Variants in ZCCHC8 observed in about 807,000 individuals in gnomAD.
ZCCHC8 encodes the protein zinc finger CCHC-type containing 8.
Under a neutral mutation model 70.6 loss-of-function variants are expected in ZCCHC8, and 27 were observed. That is an observed-to-expected ratio of 0.38 (90% CI 0.28 to 0.53). The LOEUF is 0.53. Ranked by LOEUF, ZCCHC8 falls within the 20% of genes least tolerant of loss-of-function variation. The probability of loss-of-function intolerance (pLI) is 0.81; values close to 1 mark genes in which losing one functional copy is unlikely to be tolerated. For synonymous variants in ZCCHC8, 293 were observed against 317.4 expected (o/e 0.92, Z 0.82); for missense variants, 737 against 876.9 (o/e 0.84, Z 2.01).
At position 122,482,705 on chromosome 12, in the gene ZCCHC8, C is replaced by A; in HGVS notation, c.672-10G>T. ...ACAGTGAGGCTTTGGCCTATTTGGT[C>A]AAAAGACAAAGATTTTTATAATGTC... On this transcript the variant is annotated splice_polypyrimidine_tract_variant and intron_variant, in intron 7 of 13. Transcript: ENST00000633063. 6.3e-7 allele frequency: 1 copy of A among 1,595,728 alleles called. No individual in the cohort carries two copies. Among genetic ancestry groups the A allele is most frequent in the South Asian group, 1.1e-5 (1 of 87,180 alleles).
At chr12:122,484,491 T>A (rs1250153693) in intron 5 of ZCCHC8, among the ~76,000 whole-genome samples, 1 of 151,532 alleles carries the variant, frequency 6.6e-6, no homozygotes, top group Non-Finnish European at 1.5e-5. Flanking sequence ...TGGCTCACTG[T>A]AACTTCAAAG....
At chr12:122,495,077 G>A (rs1957806097) in intron 2 of ZCCHC8, among the ~76,000 whole-genome samples, 1 of 152,198 alleles carries the variant, frequency 6.6e-6, no homozygotes, top group South Asian at 2.1e-4. Flanking sequence ...TACTTGGGCT[G>A]AAATGTGCAT....
intron 4 of ZCCHC8, among the ~76,000 whole-genome samples, chr12:122,490,073 T>C (rs1182415893): frequency 2.6e-5 from 4 of 152,086 alleles, no homozygotes; most frequent in African/African-American, 7.2e-5. Flanking sequence ...AATATTCACA[T>C]AGTAAAACTT....
intron 1 of ZCCHC8, chr12:122,499,398 A>C (rs1331727684): frequency 6.5e-6 from 1 of 154,648 alleles, no homozygotes; most frequent in Non-Finnish European, 1.4e-5. Context: ...CCTCCTGAGT[A>C]GCTGGGATTA....
rs1183157555 is a variant in ZCCHC8 at position 122,473,608 on chromosome 12, C to T, written c.2013G>A (p.Thr671=). 2.5e-6 allele frequency: 4 copies of T among 1,613,744 alleles called. No homozygotes were observed. The highest frequency in any genetic ancestry group is 1.3e-5 in the African/African-American group (1 of 74,866). ...PDMSKFATGI[T]PFEFENMAES... ...CTGCCATATTCTCAAATTCAAATGGCGTGATTCCAGTTGCAAATTTGCTCA... is the reference window on the plus strand; with the variant it reads ...CTGCCATATTCTCAAATTCAAATGGTGTGATTCCAGTTGCAAATTTGCTCA... Residue 671 remains threonine (T), a synonymous_variant, in exon 14 of 14, where the codon ACG becomes ACA. Coordinates refer to ENST00000633063, the MANE Select transcript of ZCCHC8 (RefSeq NM_017612.5).
chr12:122,489,588 A>G lies in ZCCHC8; in HGVS notation c.424-125T>C. On this transcript the variant is annotated intron_variant, in intron 4 of 13. Transcript: ENST00000633063. ...ACGACATTTCATGTGGGAGAATGGA[A>G]GATGTAAAAGGAGAGCTTCTTCTGA... The G allele has an allele frequency of 6.9e-6, 6 of 864,352 alleles. No homozygotes were observed. In the South Asian group the frequency reaches 8.9e-5, roughly 13 times the overall value. 53.5% of individuals were successfully genotyped at this position (864,352 alleles called of 1,614,324 possible).
At chr12:122,497,546 A>T (rs978820221) in intron 2 of ZCCHC8, among the ~76,000 whole-genome samples, 7 of 152,180 alleles carry the variant, frequency 4.6e-5, no homozygotes, top group African/African-American at 1.7e-4. Context: ...TGTCTCAAAA[A>T]AATTAAAAAA....
At chr12:122,498,040 C>CT (rs1957854343) in intron 2 of ZCCHC8, among the ~76,000 whole-genome samples, 1 of 150,152 alleles carries the variant, frequency 6.7e-6, no homozygotes, top group African/African-American at 2.5e-5. Context: ...AATCTACACA[C>CT]TTTATCTTTT....
intron 4 of ZCCHC8, among the ~76,000 whole-genome samples, chr12:122,490,032 C>T (rs1313451409): frequency 4.6e-5 from 7 of 151,416 alleles, no homozygotes; most frequent in African/African-American, 1.5e-4. Flanking sequence ...CTCTCTCTCT[C>T]TCTTTTTTTT....
chr12:122,498,772 A>C, intron 2 of ZCCHC8, 55 bp downstream of exon 2: 2 of 1,509,836 alleles, frequency 1.3e-6, no homozygotes, highest in South Asian at 1.1e-5. Context: ...ATTAAATATT[A>C]ATATCAGGAT....
intron 3 of ZCCHC8, 89 bp from the exon 4 acceptor site, chr12:122,490,656 G>A (rs1169813534): frequency 4.7e-5 from 33 of 709,168 alleles, no homozygotes; most frequent in South Asian, 3.4e-4. Flanking sequence ...GATTTCAAGT[G>A]TGAATGTTGT....
Position 122,483,743 on chromosome 12 carries a change from CCT to C in ZCCHC8, c.502-182_502-181del. 1 of 588,836 alleles carries C rather than the reference CCT, an allele frequency of 1.7e-6. No individual in the cohort carries two copies. Among genetic ancestry groups the C allele is most frequent in the Non-Finnish European group, 3.0e-6 (1 of 336,856 alleles). 36.5% of individuals were successfully genotyped at this position (588,836 alleles called of 1,614,324 possible). A position where few individuals can be genotyped will look rare whatever the true frequency, so the allele number is the denominator to read the frequency against. On this transcript the variant is annotated intron_variant, in intron 5 of 13. Coordinates refer to ENST00000633063, the MANE Select transcript of ZCCHC8 (RefSeq NM_017612.5). This position sits in a 1 kb window ranked among gnomAD's most constrained non-coding sequence, Gnocchi z 4.4. ...TAAGTAGAAACTACATCGTCAGTTC[CCT>C]CTCTCTGCTAGATCAGTTTTTCCTC...
In ZCCHC8 at chr12:122,474,145, G is replaced by T. The variant is rs954172617; in HGVS notation, c.1476C>A (p.Thr492=). The change falls in exon 14 of 14, where the codon ACC becomes ACA. Residue 492 remains threonine (T), a synonymous_variant. Coordinates refer to ENST00000633063, the MANE Select transcript of ZCCHC8 (RefSeq NM_017612.5). ...GTGAGTCACTGGGAGTCAGCGGCGG[G>T]GTGCCCTTTGGGAGTGGAGGGGTGA... is the stretch of plus-strand genomic sequence containing the variant. ...PVFTPPLPKG[T]PPLTPSDSPQ... is the part of the protein sequence containing the mutation. 2 of 1,509,082 alleles carry T rather than the reference G, an allele frequency of 1.3e-6. No homozygotes were observed. The highest frequency in any genetic ancestry group is 2.3e-5 in the East Asian group (1 of 42,952). 93.5% of individuals were successfully genotyped at this position (1,509,082 alleles called of 1,614,324 possible).
intron 9 of ZCCHC8, 62 bp from the exon 10 acceptor site, chr12:122,481,726 AT>A (rs1957539843): frequency 6.5e-7 from 1 of 1,540,618 alleles, no homozygotes; most frequent in Non-Finnish European, 8.8e-7. Context: ...AACACATAGT[AT>A]TCTGGTATTT....
At chr12:122,480,423 G>T in intron 10 of ZCCHC8, 112 bp from the exon 11 acceptor site, 1 of 855,500 alleles carries the variant, frequency 1.2e-6, no homozygotes, top group Non-Finnish European at 1.6e-6. Flanking sequence ...AATTAGTTTT[G>T]AAATGGCTTT....
intron 2 of ZCCHC8, among the ~76,000 whole-genome samples, chr12:122,498,602 C>T (rs1038035599): frequency 6.6e-6 from 1 of 152,184 alleles, no homozygotes; most frequent in Non-Finnish European, 1.5e-5. Flanking sequence ...GATTTTGTTT[C>T]ATCCTTTCAT....
rs542670895 is a variant in ZCCHC8 at position 122,489,657 on chromosome 12, T to G, written c.424-194A>C. Among the ~76,000 whole-genome samples, 4 of 152,332 alleles carry G rather than the reference T, an allele frequency of 2.6e-5. No homozygotes were observed. The East Asian group carries it at 7.7e-4, about 29-fold the overall frequency. ...AACTTCTTTTTTAACCAGTATTAAT[T>G]ATGCCGCTTTCAACACTTTAAACTG... On this transcript the variant is annotated intron_variant, in intron 4 of 13. Coordinates refer to ENST00000633063, the MANE Select transcript of ZCCHC8 (RefSeq NM_017612.5).
intron 11 of ZCCHC8, among the ~76,000 whole-genome samples, chr12:122,479,330 G>A (rs1461451681): frequency 6.6e-6 from 1 of 152,164 alleles, no homozygotes; most frequent in Non-Finnish European, 1.5e-5. Flanking sequence ...ACCCGCCTTG[G>A]CTTCCCAAAG....
At position 122,500,601 on chromosome 12, in the gene ZCCHC8, C is replaced by T; in HGVS notation, c.199+41G>A. On this transcript the variant is annotated intron_variant, in intron 1 of 13. Coordinates refer to ENST00000633063, the MANE Select transcript of ZCCHC8 (RefSeq NM_017612.5). This position sits in a 1 kb window ranked among gnomAD's most constrained non-coding sequence, Gnocchi z 4.8. ...GCCCCACGCCTGGCGCTGCCCCGGCCCCACACCCGGGTGACAGGGCCCAGC... is the reference window on the plus strand; with the variant it reads ...GCCCCACGCCTGGCGCTGCCCCGGCTCCACACCCGGGTGACAGGGCCCAGC... 1 of 1,527,748 alleles carries T rather than the reference C, an allele frequency of 6.5e-7. No homozygotes were observed. The highest frequency in any genetic ancestry group is 8.8e-7 in the Non-Finnish European group (1 of 1,138,234). 94.6% of individuals were successfully genotyped at this position (1,527,748 alleles called of 1,614,324 possible).
Sources: allele counts gnomAD v4.1 joint callset (sites outside exome capture counted in the v4.1 genomes callset), GRCh38; gene constraint gnomAD v4.1.1; non-coding constraint Gnocchi (gnomAD v3.1); transcripts MANE v1.5; gene names NCBI Gene and HGNC (gene_info 2026-07-23, HGNC 2026-07-21).